MYO5B: variants seen among roughly 807,000 people sequenced by gnomAD.
MYO5B encodes unconventional myosin-Vb.
Under a neutral mutation model 229.3 loss-of-function variants are expected in MYO5B, and 143 were observed. The observed-to-expected ratio is 0.62, with a 90% CI of 0.54 to 0.72. The LOEUF is 0.72. MYO5B is among the 30% of genes least tolerant of loss of function. The probability of loss-of-function intolerance (pLI) is 0.00; values close to 1 mark genes in which losing one functional copy is unlikely to be tolerated. For missense variants in MYO5B, 2,321 were observed against 2,331.0 expected (o/e 1.00, Z 0.09); for synonymous variants, 918 against 885.2 (o/e 1.04, Z -0.66).
At chr18:49,900,867 G>T (rs981111823) in intron 21 of MYO5B, among the ~76,000 whole-genome samples, 1 of 152,146 alleles carries the variant, frequency 6.6e-6, no homozygotes, top group Non-Finnish European at 1.5e-5. Flanking sequence ...GCATGCACGG[G>T]AAAGGACTGA....
chr18:50,112,380 C>T (rs572749230), intron 1 of MYO5B, among the ~76,000 whole-genome samples: 49 of 152,254 alleles, frequency 3.2e-4, no homozygotes, highest in Non-Finnish European at 5.7e-4. Context: ...AATACTGGCC[C>T]ATCAGAGCAG....
At chr18:50,013,510 C>A (rs1331308660) in intron 4 of MYO5B, among the ~76,000 whole-genome samples, 1 of 152,182 alleles carries the variant, frequency 6.6e-6, no homozygotes, top group Non-Finnish European at 1.5e-5. Flanking sequence ...AACAGCCAGC[C>A]CTCTTGAGAG....
In MYO5B at chr18:50,158,174, A is replaced by G. The variant is rs116843918; in HGVS notation, c.27+36593T>C. 3.3e-5 allele frequency among the ~76,000 whole-genome samples: 5 copies of G among 152,330 alleles called. No individual in the cohort carries two copies. The East Asian group carries it at 5.8e-4, about 18-fold the overall frequency. On this transcript the variant is annotated intron_variant, in intron 1 of 39. Transcript: ENST00000285039. The stretch of plus-strand genomic sequence containing the variant: ...TTGGAGTCATCAATAAGCAAGCTGT[A>G]TTACTTTTATATAGTAAGGTCTTCT...
At chr18:49,826,782 G>T (rs771610960) in intron 39 of MYO5B, among the ~76,000 whole-genome samples, 159 bp from the exon 40 acceptor site, 1 of 152,188 alleles carries the variant, frequency 6.6e-6, no homozygotes, top group Non-Finnish European at 1.5e-5. Flanking sequence ...CACCCTTGAG[G>T]TATTTAGTGG....
rs570953972 is a variant in MYO5B, at chr18:50,040,393, T to C, written c.139-79A>G. On this transcript the variant is annotated intron_variant, in intron 2 of 39. Coordinates refer to ENST00000285039, the MANE Select transcript of MYO5B (RefSeq NM_001080467.3). ...GTATTCAATGTCCTGTCTTCTTAGC[T>C]GGAATCACCATCTTAACATGATAGT... 268 of 1,311,888 alleles carry C rather than the reference T, an allele frequency of 2.0e-4. 3 individuals carry two copies. In the South Asian group the frequency reaches 3.0e-3, roughly 15 times the overall value. The allele number at this position is 1,311,888 out of a possible 1,614,324, so 81.3% of individuals were successfully genotyped here. A position where few individuals can be genotyped will look rare whatever the true frequency, so the allele number is the denominator to read the frequency against.
chr18:49,905,432 C>A (rs2024888495), intron 19 of MYO5B, among the ~76,000 whole-genome samples: 1 of 152,162 alleles, frequency 6.6e-6, no homozygotes, highest in Non-Finnish European at 1.5e-5. Context: ...GCCAGTCTAA[C>A]ACTTCCTCCC....
At chr18:50,039,007 C>T (rs2029920856) in intron 3 of MYO5B, among the ~76,000 whole-genome samples, 1 of 152,168 alleles carries the variant, frequency 6.6e-6, no homozygotes, top group Non-Finnish European at 1.5e-5. Context: ...AAAACTCACC[C>T]TAACTTAGCA....
At chr18:49,906,186 T>C (rs1011511481) in intron 19 of MYO5B, among the ~76,000 whole-genome samples, 2 of 151,950 alleles carry the variant, frequency 1.3e-5, no homozygotes, top group African/African-American at 4.8e-5. Context: ...GCTGGTAGGA[T>C]GGAGGGAGCC....
intron 2 of MYO5B, among the ~76,000 whole-genome samples, chr18:50,046,842 G>T (rs983988267): frequency 6.6e-6 from 1 of 152,154 alleles, no homozygotes; most frequent in East Asian, 1.9e-4. Context: ...ATGGGGAAAG[G>T]ATTCCCTATT....
intron 17 of MYO5B, among the ~76,000 whole-genome samples, chr18:49,920,297 A>T (rs1539927): frequency 0.069 from 10,472 of 152,312 alleles, 848 homozygotes; most frequent in East Asian, 0.29. Context: ...ATTTTATAGT[A>T]GATAAATTAT....
At chr18:49,834,607 C>T (rs779052014) in intron 39 of MYO5B, among the ~76,000 whole-genome samples, 16 of 152,166 alleles carry the variant, frequency 1.1e-4, no homozygotes, top group Non-Finnish European at 1.6e-4. Flanking sequence ...TTCCCTAATA[C>T]ATTTTCTTTC....
intron 4 of MYO5B, among the ~76,000 whole-genome samples, chr18:50,014,312 A>T (rs969412495): frequency 2.6e-5 from 4 of 151,026 alleles, no homozygotes; most frequent in African/African-American, 9.8e-5. Context: ...GGTATGGTTA[A>T]CTTACAACAG....
intron 14 of MYO5B, among the ~76,000 whole-genome samples, chr18:49,942,021 G>A (rs1183003672): frequency 1.0e-5 from 1 of 97,570 alleles, no homozygotes; most frequent in East Asian, 2.1e-4. Flanking sequence ...AGAGCCCTCA[G>A]AAATAATGCT....
chr18:50,061,653 C>A (rs1035528145), intron 1 of MYO5B, among the ~76,000 whole-genome samples: 2 of 152,166 alleles, frequency 1.3e-5, no homozygotes, highest in Admixed American at 6.5e-5. Context: ...ACCACTAACA[C>A]CCATATCCCA....
chr18:50,040,175 A>C lies in MYO5B; in HGVS notation c.278T>G (p.Phe93Cys). The C allele has an allele frequency of 6.2e-7, 1 of 1,613,522 alleles. No individual in the cohort carries two copies. The highest frequency in any genetic ancestry group is 8.5e-7 in the Non-Finnish European group (1 of 1,179,784). Reference sequence around the variant, plus strand: ...AGTGTAGATATGGTTGGACTCCAGGAAACGGACCTTCAAATTATGCAAAAC... The same window carrying C: ...AGTGTAGATATGGTTGGACTCCAGGCAACGGACCTTCAAATTATGCAAAAC... ...PAVLHNLKVR[F>C]LESNHIYTYC... Residue 93 changes from phenylalanine to cysteine, a missense_variant, in exon 3 of 40, where the codon TTC becomes TGC. Physicochemically the swap from Phe to Cys is radical, Grantham distance 205. Transcript: ENST00000285039.
chr18:50,151,332 G>A (rs1178545107), intron 1 of MYO5B, among the ~76,000 whole-genome samples: 2 of 152,274 alleles, frequency 1.3e-5, no homozygotes, highest in South Asian at 2.1e-4. Context: ...CTGACTGCAC[G>A]TCACTCAGTT....
chr18:49,963,828 T>A (rs150523465), intron 10 of MYO5B, among the ~76,000 whole-genome samples: 1 of 152,302 alleles, frequency 6.6e-6, no homozygotes, highest in African/African-American at 2.4e-5. Context: ...AACCACTGTA[T>A]AGATCAGGGC....
intron 25 of MYO5B, among the ~76,000 whole-genome samples, chr18:49,876,571 C>T (rs184070587): frequency 1.3e-5 from 2 of 152,218 alleles, no homozygotes; most frequent in South Asian, 2.1e-4. Flanking sequence ...TTAACCAGCA[C>T]TGGACCAGTC....
intron 1 of MYO5B, among the ~76,000 whole-genome samples, chr18:50,153,881 T>C (rs2032639440): frequency 6.6e-6 from 1 of 152,206 alleles, no homozygotes; most frequent in Admixed American, 6.5e-5. Context: ...TGTCTAAGAC[T>C]GCAGTGTCCT....
Sources: allele counts gnomAD v4.1 joint callset (sites outside exome capture counted in the v4.1 genomes callset), GRCh38; gene constraint gnomAD v4.1.1; transcripts MANE v1.5; gene names NCBI Gene and HGNC (gene_info 2026-07-23, HGNC 2026-07-21).